Variants in PPIL6 observed in about 807,000 individuals in gnomAD.
PPIL6 encodes the protein peptidylprolyl isomerase like 6.
Under a neutral mutation model 36.8 loss-of-function variants are expected in PPIL6, and 39 were observed. The observed-to-expected ratio is 1.06, with a 90% CI of 0.82 to 1.38. PPIL6 has a LOEUF of 1.38. Among genes scored for constraint, PPIL6 ranks in the 40% most tolerant of loss-of-function variants. PPIL6 has a pLI of 0.00. For synonymous variants in PPIL6, 123 were observed against 134.1 expected, an observed-to-expected ratio of 0.92 and a Z score of 0.57; for missense variants, 368 against 379.1, an observed-to-expected ratio of 0.97 and a Z score of 0.24.
chr6:109,415,416 G>A (rs1773205791), intron 6 of PPIL6, among the ~76,000 whole-genome samples: 1 of 152,126 alleles, frequency 6.6e-6, no homozygotes, highest in Non-Finnish European at 1.5e-5. Context: ...ATCTGGCACT[G>A]GTTCGGAGGC....
upstream of PPIL6, chr6:109,440,793 G>A (rs546635102): frequency 3.3e-3 from 1,195 of 361,756 alleles, 16 homozygotes; most frequent in African/African-American, 0.024. Flanking sequence ...CGAGCTTGGA[G>A]GAAAAGGAAC....
intron 6 of PPIL6, among the ~76,000 whole-genome samples, chr6:109,400,655 T>A (rs1772490697): frequency 1.3e-5 from 2 of 152,184 alleles, no homozygotes; most frequent in South Asian, 4.1e-4. Context: ...TTGGTTTACA[T>A]GGCATTTCTT....
Position 109,440,506 on chromosome 6 carries a change from C to G in PPIL6, c.85G>C (p.Val29Leu), listed in dbSNP as rs1480365609. 5 of 1,526,464 alleles carry G rather than the reference C, an allele frequency of 3.3e-6. No individual in the cohort carries two copies. Among genetic ancestry groups the G allele is most frequent in the South Asian group, 2.4e-5 (2 of 81,830 alleles). The allele number at this position is 1,526,464 out of a possible 1,614,324, so 94.6% of individuals were successfully genotyped here. A position where few individuals can be genotyped will look rare whatever the true frequency, so the allele number is the denominator to read the frequency against. ...AAGTTGGGGCAGCTGAAGAGCCCCACCACCTTCACCTGCAGCGGCCGCTCC... is the reference window on the plus strand; with the variant it reads ...AAGTTGGGGCAGCTGAAGAGCCCCAGCACCTTCACCTGCAGCGGCCGCTCC... ...LPERPLQVKV[V>L]GLFSCPNFQI... Residue 29 changes from valine (V) to leucine (L), a missense_variant, in exon 1 of 8, where the codon GTG becomes CTG. By Grantham distance (32) the Val-to-Leu change is conservative (BLOSUM62 1). Transcript: ENST00000521072.
At chr6:109,402,949 A>G in intron 6 of PPIL6, 2 of 872,426 alleles carry the variant, frequency 2.3e-6, no homozygotes, top group South Asian at 1.7e-5. Flanking sequence ...TTGCAGACAT[A>G]AAGTATTACA....
intron 2 of PPIL6, among the ~76,000 whole-genome samples, chr6:109,434,133 G>A (rs1188129603): frequency 6.6e-6 from 1 of 152,074 alleles, no homozygotes; most frequent in Non-Finnish European, 1.5e-5. Flanking sequence ...TTTATATTAG[G>A]GTGACCAACA....
Position 109,400,181 on chromosome 6 carries a change from C to T in PPIL6, c.689-11G>A, listed in dbSNP as rs867166420. On this transcript the variant is annotated splice_polypyrimidine_tract_variant and intron_variant, in intron 6 of 7. Transcript: ENST00000521072. ...CTGAAAAGTTTTCATCTAGGAAAGACAATAATCAGTAGGTCATTAGCACAT... is the reference window on the plus strand; with the variant it reads ...CTGAAAAGTTTTCATCTAGGAAAGATAATAATCAGTAGGTCATTAGCACAT... 2 of 1,603,926 alleles carry T rather than the reference C, an allele frequency of 1.2e-6. No homozygotes were observed. The highest frequency in any genetic ancestry group is 3.3e-4 in the Middle Eastern group (2 of 6,044).
At chr6:109,440,230 T>C (rs1774735225) in intron 1 of PPIL6, 1 of 624,738 alleles carries the variant, frequency 1.6e-6, no homozygotes, top group Non-Finnish European at 3.0e-6. Context: ...GTTCTCCCTT[T>C]AAAAGTCGCC....
At chr6:109,419,051 C>G in intron 6 of PPIL6, 136 bp downstream of exon 6, 1 of 626,794 alleles carries the variant, frequency 1.6e-6, no homozygotes, top group South Asian at 2.2e-5. Context: ...TCCCCCCGAT[C>G]TGCTCATTTT....
chr6:109,421,750 G>A (rs926206404), intron 5 of PPIL6, among the ~76,000 whole-genome samples: 1 of 152,178 alleles, frequency 6.6e-6, no homozygotes, highest in Non-Finnish European at 1.5e-5. Flanking sequence ...CTGAATGTAT[G>A]GAAAGTGGCC....
At chr6:109,440,087 A>C in intron 1 of PPIL6, 1 of 326,566 alleles carries the variant, frequency 3.1e-6, no homozygotes, top group South Asian at 2.3e-5. Context: ...TATAGTAATC[A>C]TTTTTCCATA....
chr6:109,435,221 T>C (rs912983665), intron 2 of PPIL6, among the ~76,000 whole-genome samples: 5 of 151,806 alleles, frequency 3.3e-5, no homozygotes, highest in African/African-American at 1.2e-4. Context: ...TAACTAACCA[T>C]CATCAGCGGC....
rs151300580 is a variant in PPIL6 at position 109,431,346 on chromosome 6, C to T, written c.232-1G>A. On this transcript the variant is annotated splice_acceptor_variant, in intron 2 of 7. Transcript: ENST00000521072. LOFTEE classifies it high-confidence loss of function. ...ATTCCCAGGTTTCATTTTTGAGTTC[C>T]TGTAAGGGAAAAGGACAAAAAAAAA... The T allele has an allele frequency of 3.9e-4, 563 of 1,427,948 alleles. 1 individual carries two copies. Among genetic ancestry groups the T allele is most frequent in the Non-Finnish European group, 5.1e-4 (543 of 1,056,062 alleles). 88.5% of individuals were successfully genotyped at this position (1,427,948 alleles called of 1,614,324 possible). A position where few individuals can be genotyped will look rare whatever the true frequency, so the allele number is the denominator to read the frequency against.
rs1251935812 is a variant in PPIL6, at chr6:109,440,471, C to A, written c.120G>T (p.Ala40=). 17 of 1,539,382 alleles carry A rather than the reference C, an allele frequency of 1.1e-5. No individual in the cohort carries two copies. The East Asian group carries it at 4.0e-4, about 36-fold the overall frequency. Residue 40 remains alanine (A), a synonymous_variant, in exon 1 of 8, where the codon GCG becomes GCT. Coordinates refer to ENST00000521072, the MANE Select transcript of PPIL6 (RefSeq NM_173672.5). ...CTGTGGTTACCTCAGCGGCGCTCTT[C>A]GCAATCTGAAAGTTGGGGCAGCTGA... is the stretch of plus-strand genomic sequence containing the variant. ...GLFSCPNFQI[A]KSAAENLKNN...
rs1772068923 is a variant in PPIL6, at chr6:109,390,785, T to G, written c.*2041A>C. 6.6e-6 allele frequency: 1 copy of G among 152,226 alleles called. No individual in the cohort carries two copies. Among genetic ancestry groups the G allele is most frequent in the Admixed American group, 6.5e-5 (1 of 15,288 alleles). The allele number at this position is 152,226 out of a possible 1,614,324, so 9.4% of individuals were successfully genotyped here. A position where few individuals can be genotyped will look rare whatever the true frequency, so the allele number is the denominator to read the frequency against. Reference sequence around the variant, plus strand: ...ATATTGTACTACCGTTTTGTAAGCGTAGCCACTGGGGAAAATGGGTGAAAG... The same window carrying G: ...ATATTGTACTACCGTTTTGTAAGCGGAGCCACTGGGGAAAATGGGTGAAAG... On this transcript the variant is annotated 3_prime_UTR_variant, in exon 8 of 8. Transcript: ENST00000521072.
Position 109,438,988 on chromosome 6 carries a change from G to A in PPIL6, c.135+1468C>T, listed in dbSNP as rs193254143. On this transcript the variant is annotated intron_variant, in intron 1 of 7. Coordinates refer to ENST00000521072, the MANE Select transcript of PPIL6 (RefSeq NM_173672.5). The stretch of plus-strand genomic sequence containing the variant: ...CATAATATGGTTTTACTGGAATACT[G>A]TCATTCATTTCCATCTCTGTGTCTG... Among the ~76,000 whole-genome samples, 229 of 152,314 alleles carry A rather than the reference G, an allele frequency of 1.5e-3. 1 individual carries two copies. Among genetic ancestry groups the A allele is most frequent in the African/African-American group, 5.0e-3 (207 of 41,562 alleles).
chr6:109,425,067 A>C (rs1480216413), intron 5 of PPIL6, among the ~76,000 whole-genome samples: 1 of 152,198 alleles, frequency 6.6e-6, no homozygotes, highest in Non-Finnish European at 1.5e-5. Flanking sequence ...GGAACTGGAC[A>C]TCTGTAGGGA....
Position 109,392,455 on chromosome 6 carries a change from C to T in PPIL6, c.*371G>A. On this transcript the variant is annotated 3_prime_UTR_variant, in exon 8 of 8. Transcript: ENST00000521072. ...GTGCTGGGATTACAGGCGTGAGCTACCACACCTGGCCTCAGCCTTTTCTTT... is the reference window on the plus strand; with the variant it reads ...GTGCTGGGATTACAGGCGTGAGCTATCACACCTGGCCTCAGCCTTTTCTTT... 5.8e-6 allele frequency: 1 copy of T among 171,974 alleles called. No individual in the cohort carries two copies. Among genetic ancestry groups the T allele is most frequent in the Non-Finnish European group, 1.2e-5 (1 of 81,856 alleles). The allele number at this position is 171,974 out of a possible 1,614,324, so 10.7% of individuals were successfully genotyped here. A position where few individuals can be genotyped will look rare whatever the true frequency, so the allele number is the denominator to read the frequency against.
intron 5 of PPIL6, among the ~76,000 whole-genome samples, chr6:109,423,143 G>A (rs1773637119): frequency 6.6e-6 from 1 of 152,164 alleles, no homozygotes; most frequent in Admixed American, 6.5e-5. Flanking sequence ...GAGGTGGGCA[G>A]ATCACTTGAG....
intron 6 of PPIL6, among the ~76,000 whole-genome samples, chr6:109,412,075 A>G (rs1240590591): frequency 6.6e-6 from 1 of 152,232 alleles, no homozygotes; most frequent in Non-Finnish European, 1.5e-5. Flanking sequence ...CTGTCCATCA[A>G]TGTGCCATGT....
Sources: allele counts gnomAD v4.1 joint callset (sites outside exome capture counted in the v4.1 genomes callset), GRCh38; gene constraint gnomAD v4.1.1; transcripts MANE v1.5; gene names NCBI Gene and HGNC (gene_info 2026-07-23, HGNC 2026-07-21).